The following CAMTA1 variants were observed in gnomAD, a reference collection of about 807,000 sequenced individuals.
CAMTA1 encodes the protein calmodulin-binding transcription activator 1.
Under a neutral mutation model 170.9 loss-of-function variants are expected in CAMTA1, and 27 were observed. The ratio of observed to expected loss-of-function variants is 0.16; its 90% CI spans 0.12 to 0.22. The LOEUF (loss-of-function observed/expected upper bound fraction) is 0.22. CAMTA1 is among the 10% of genes least tolerant of loss of function. The pLI is 1.00. For synonymous variants in CAMTA1, 833 were observed against 891.5 expected, an observed-to-expected ratio of 0.93 and a Z score of 1.17; for missense variants, 1,619 against 2,217.2, an observed-to-expected ratio of 0.73 and a Z score of 5.42.
intron 6 of CAMTA1, among the ~76,000 whole-genome samples, chr1:7,498,582 C>T (rs886499283): frequency 1.3e-5 from 2 of 151,400 alleles, no homozygotes; most frequent in Non-Finnish European, 2.9e-5. Context: ...TATGCATGTG[C>T]ATGTGTGTGT....
intron 5 of CAMTA1, among the ~76,000 whole-genome samples, chr1:7,264,556 A>G (rs1190621756): frequency 6.6e-6 from 1 of 152,170 alleles, no homozygotes; most frequent in East Asian, 1.9e-4. Context: ...AACCACAAAC[A>G]CTAATAAGAA....
At chr1:7,037,473 C>G (rs79658252) in intron 3 of CAMTA1, among the ~76,000 whole-genome samples, 1 of 152,230 alleles carries the variant, frequency 6.6e-6, no homozygotes, top group East Asian at 1.9e-4. Flanking sequence ...TGCTTTCTCT[C>G]TCTGCTGGGT....
chr1:7,010,432 T>C lies in CAMTA1; in HGVS notation c.235-80872T>C, dbSNP rs935967056. Among the ~76,000 whole-genome samples, 4 of 152,234 alleles carry C rather than the reference T, an allele frequency of 2.6e-5. No individual in the cohort carries two copies. The highest frequency in any genetic ancestry group is 4.8e-5 in the African/African-American group (2 of 41,464). On this transcript the variant is annotated intron_variant, in intron 3 of 22. Transcript: ENST00000303635. The surrounding 1 kb of genome is among the most constrained non-coding windows in gnomAD (Gnocchi z 4.4). Reference sequence around the variant, plus strand: ...GCCTTCTCTGGTCACTCCCAGGTCATGTCAGTCCTGAGGATGCCAGGAGAC... The same window carrying C: ...GCCTTCTCTGGTCACTCCCAGGTCACGTCAGTCCTGAGGATGCCAGGAGAC...
intron 10 of CAMTA1, chr1:7,672,092 A>C (rs1037520972): frequency 2.2e-6 from 1 of 455,706 alleles, no homozygotes; most frequent in Admixed American, 2.4e-5. Context: ...CCCTGACCAT[A>C]AACAGGAGGG....
intron 5 of CAMTA1, among the ~76,000 whole-genome samples, chr1:7,358,152 T>A (rs566532476): frequency 1.3e-5 from 2 of 152,330 alleles, no homozygotes; most frequent in South Asian, 2.1e-4. Flanking sequence ...ATTGGAAAGG[T>A]TGTAGTCACT....
rs2085679537 is a variant in CAMTA1, at chr1:7,363,124, A to T, written c.439-104706A>T. Among the ~76,000 whole-genome samples the T allele has an allele frequency of 2.0e-5, 3 of 152,222 alleles. No individual in the cohort carries two copies. In the South Asian group the frequency reaches 6.2e-4, roughly 32 times the overall value. On this transcript the variant is annotated intron_variant, in intron 5 of 22. Transcript: ENST00000303635. Reference sequence around the variant, plus strand: ...AAGTTTGAAACGTGAGAGAGTGAGTAGGAACTGTGCCCTTGTCTGACCCAA... The same window carrying T: ...AAGTTTGAAACGTGAGAGAGTGAGTTGGAACTGTGCCCTTGTCTGACCCAA...
intron 5 of CAMTA1, among the ~76,000 whole-genome samples, chr1:7,270,244 TACACAC>T (rs57280188): frequency 1.3e-4 from 16 of 127,226 alleles, no homozygotes; most frequent in African/African-American, 4.4e-4. Flanking sequence ...CATATATACA[TACACAC>T]ACACACACAC....
intron 3 of CAMTA1, among the ~76,000 whole-genome samples, chr1:7,057,662 G>A (rs1416396553): frequency 2.6e-5 from 4 of 152,200 alleles, no homozygotes; most frequent in Admixed American, 6.5e-5. Flanking sequence ...CTGGCATTTC[G>A]TTTACACTTA....
At chr1:6,866,695 TATCTA>T (rs1421599526) in intron 3 of CAMTA1, among the ~76,000 whole-genome samples, 3 of 152,182 alleles carry the variant, frequency 2.0e-5, no homozygotes, top group Non-Finnish European at 4.4e-5. Flanking sequence ...AATAGGAGTA[TATCTA>T]AAGCTGATTT....
rs181327475 is a variant in CAMTA1, at chr1:7,218,235, C to T, written c.303-31256C>T. ...AAGCGTTGAGGATATTTTTCAAATG[C>T]ATCGTTGAGGTTTTTAATTCAGTTT... is the stretch of plus-strand genomic sequence containing the variant. On this transcript the variant is annotated intron_variant, in intron 4 of 22. Transcript: ENST00000303635. 9.2e-5 allele frequency among the ~76,000 whole-genome samples: 14 copies of T among 152,326 alleles called. No homozygotes were observed. The East Asian group carries it at 2.7e-3, about 29-fold the overall frequency.
At chr1:7,137,840 T>A (rs1159393014) in intron 4 of CAMTA1, among the ~76,000 whole-genome samples, 1 of 152,072 alleles carries the variant, frequency 6.6e-6, no homozygotes, top group Non-Finnish European at 1.5e-5. Context: ...TCCATCTCCC[T>A]CCTCTCCACT....
intron 5 of CAMTA1, among the ~76,000 whole-genome samples, chr1:7,360,201 A>G (rs1043855464): frequency 3.9e-5 from 6 of 152,210 alleles, no homozygotes; most frequent in African/African-American, 1.4e-4. Flanking sequence ...GTCTCCAAAC[A>G]AGGGTTCATT....
intron 3 of CAMTA1, among the ~76,000 whole-genome samples, chr1:7,081,239 T>C (rs542009320): frequency 2.0e-5 from 3 of 152,326 alleles, no homozygotes; most frequent in East Asian, 1.9e-4. Context: ...ATAATGATGA[T>C]GGTAAGAGGT....
intron 5 of CAMTA1, among the ~76,000 whole-genome samples, chr1:7,292,953 G>C (rs1270240742): frequency 6.6e-6 from 1 of 152,112 alleles, no homozygotes; most frequent in African/African-American, 2.4e-5. Context: ...TGTCACACCA[G>C]GCAGAGGTTG....
intron 4 of CAMTA1, among the ~76,000 whole-genome samples, chr1:7,225,374 G>C (rs1459939875): frequency 2.6e-5 from 4 of 152,170 alleles, no homozygotes; most frequent in African/African-American, 9.7e-5. Context: ...GTGAGCCACC[G>C]TGCCCGGCCA....
At chr1:7,364,735 G>GT (rs143101088) in intron 5 of CAMTA1, among the ~76,000 whole-genome samples, 3,371 of 152,290 alleles carry the variant, frequency 0.022, 121 homozygotes, top group African/African-American at 0.076. Context: ...CCAGTGTGCT[G>GT]TGGGCTCTGG....
intron 3 of CAMTA1, among the ~76,000 whole-genome samples, chr1:6,995,123 A>G (rs1696990787): frequency 6.6e-6 from 1 of 152,002 alleles, no homozygotes; most frequent in Non-Finnish European, 1.5e-5. Context: ...TTTTTTTAAA[A>G]AAATAAATCA....
intron 6 of CAMTA1, among the ~76,000 whole-genome samples, chr1:7,584,028 G>C (rs779425302): frequency 6.6e-6 from 1 of 152,176 alleles, no homozygotes; most frequent in Non-Finnish European, 1.5e-5. Context: ...CAGAGAGGGG[G>C]TGTCACGGAC....
chr1:7,525,069 C>T (rs1339325169), intron 6 of CAMTA1, among the ~76,000 whole-genome samples: 3 of 152,196 alleles, frequency 2.0e-5, no homozygotes, highest in East Asian at 1.9e-4. Context: ...AAACTCCACC[C>T]GCCCCCGCGT....
Sources: gnomAD v4.1 joint callset for allele counts (sites outside exome capture counted in the v4.1 genomes callset) on GRCh38, gnomAD v4.1.1 for gene constraint, Gnocchi (gnomAD v3.1) non-coding constraint, MANE v1.5 for transcripts, NCBI Gene and HGNC (gene_info 2026-07-23, HGNC 2026-07-21) for gene names.